Variants in TRIO observed in about 807,000 individuals in gnomAD.
The protein encoded by TRIO is trio Rho guanine nucleotide exchange factor.
In TRIO, 58 loss-of-function variants were observed where a neutral mutation model predicts 351.9. The observed-to-expected ratio is 0.16, with a 90% CI of 0.13 to 0.21. The LOEUF (loss-of-function observed/expected upper bound fraction) is 0.21. Among genes scored for constraint, TRIO ranks in the 10% least tolerant of loss-of-function variants. The pLI is 1.00. For missense variants in TRIO, 3,201 were observed against 4,027.8 expected (o/e 0.79, Z 5.56); for synonymous variants, 1,758 against 1,595.7 (o/e 1.10, Z -2.42).
At chr5:14,486,935 T>C (rs1755958740) in intron 47 of TRIO, among the ~76,000 whole-genome samples, 3 of 152,218 alleles carry the variant, frequency 2.0e-5, no homozygotes, top group Admixed American at 6.5e-5. Context: ...ATACATGTTA[T>C]TTTGGCCTGA....
chr5:14,406,447 G>C, intron 32 of TRIO, 126 bp from the exon 33 acceptor site: 1 of 859,218 alleles, frequency 1.2e-6, no homozygotes, highest in East Asian at 2.5e-5. Context: ...CTTAACCATT[G>C]TCCGCATCCT....
chr5:14,396,969 A>T (rs1398983043), intron 28 of TRIO, 74 bp from the exon 29 acceptor site: 2 of 1,320,192 alleles, frequency 1.5e-6, no homozygotes, highest in Non-Finnish European at 2.1e-6. Context: ...GGCTTTCATA[A>T]ACTGTTTCTG....
At chr5:14,488,716 C>G (rs987096082) in intron 48 of TRIO, 1 of 570,270 alleles carries the variant, frequency 1.8e-6, no homozygotes. Flanking sequence ...TTTGACTCAT[C>G]TGCTGGGGAA....
At chr5:14,212,413 T>A (rs2152195893) in intron 1 of TRIO, among the ~76,000 whole-genome samples, 1 of 152,296 alleles carries the variant, frequency 6.6e-6, no homozygotes, top group Non-Finnish European at 1.5e-5. Context: ...AGCCAACTTC[T>A]GTGAACCTTG....
intron 55 of TRIO, among the ~76,000 whole-genome samples, chr5:14,506,886 C>T (rs980886480): frequency 2.6e-5 from 4 of 152,114 alleles, no homozygotes; most frequent in African/African-American, 9.7e-5. Context: ...TTGACTGTGC[C>T]GCTCTACCAC....
intron 33 of TRIO, among the ~76,000 whole-genome samples, chr5:14,418,269 G>C (rs1749811356): frequency 6.6e-6 from 1 of 152,150 alleles, no homozygotes; most frequent in African/African-American, 2.4e-5. Flanking sequence ...TGCCTCCTAT[G>C]CTAAGGCCTT....
intron 1 of TRIO, among the ~76,000 whole-genome samples, chr5:14,195,239 C>A (rs964169084): frequency 1.3e-5 from 2 of 152,186 alleles, no homozygotes; most frequent in Non-Finnish European, 2.9e-5. Context: ...TTCAGTCTGT[C>A]AATCAGGACC....
At chr5:14,472,089 G>C (rs1419546532) in intron 38 of TRIO, among the ~76,000 whole-genome samples, 1 of 152,206 alleles carries the variant, frequency 6.6e-6, no homozygotes, top group African/African-American at 2.4e-5. Flanking sequence ...GAGGTTGTTT[G>C]CTATACTGAT....
intron 7 of TRIO, among the ~76,000 whole-genome samples, chr5:14,304,111 C>T (rs372182462): frequency 3.9e-5 from 6 of 152,260 alleles, no homozygotes; most frequent in African/African-American, 1.2e-4. Flanking sequence ...GCTAGGAGTG[C>T]AGGGCAGTTA....
intron 1 of TRIO, among the ~76,000 whole-genome samples, chr5:14,237,634 G>A (rs1396431911): frequency 6.6e-6 from 1 of 152,196 alleles, no homozygotes; most frequent in African/African-American, 2.4e-5. Context: ...GACACAGATG[G>A]AAGTGAATGT....
chr5:14,501,275 C>T (rs1757284078), intron 53 of TRIO, among the ~76,000 whole-genome samples: 1 of 152,162 alleles, frequency 6.6e-6, no homozygotes, highest in South Asian at 2.1e-4. Context: ...ATTTATAAAG[C>T]ACTTTAAAGG....
intron 1 of TRIO, among the ~76,000 whole-genome samples, chr5:14,198,431 A>T (rs1398129879): frequency 6.6e-6 from 1 of 152,204 alleles, no homozygotes; most frequent in Non-Finnish European, 1.5e-5. Context: ...AAGAGCAGAG[A>T]TTTCAGATCA....
intron 11 of TRIO, among the ~76,000 whole-genome samples, chr5:14,342,146 C>T (rs1311288482): frequency 2.0e-5 from 3 of 151,518 alleles, no homozygotes; most frequent in African/African-American, 7.3e-5. Context: ...GCTTCTTGCA[C>T]TGGGGCCGGG....
chr5:14,280,149 G>A (rs1301596936), intron 2 of TRIO, among the ~76,000 whole-genome samples, 173 bp from the exon 3 acceptor site: 1 of 152,200 alleles, frequency 6.6e-6, no homozygotes, highest in African/African-American at 2.4e-5. Flanking sequence ...TTTTCTCCCA[G>A]ATCCCCTGAA....
At chr5:14,443,440 T>C (rs1028788412) in intron 34 of TRIO, among the ~76,000 whole-genome samples, 1 of 152,246 alleles carries the variant, frequency 6.6e-6, no homozygotes, top group Non-Finnish European at 1.5e-5. Context: ...TGATTTTACC[T>C]ATTAAATTGA....
At chr5:14,385,062 A>G (rs1746419542) in intron 21 of TRIO, among the ~76,000 whole-genome samples, 1 of 152,224 alleles carries the variant, frequency 6.6e-6, no homozygotes, top group Non-Finnish European at 1.5e-5. Flanking sequence ...CATTTCACCC[A>G]GTGGATTAGC....
At chr5:14,374,530 A>G (rs983718185) in intron 19 of TRIO, among the ~76,000 whole-genome samples, 187 bp downstream of exon 19, 2 of 152,244 alleles carry the variant, frequency 1.3e-5, no homozygotes, top group African/African-American at 4.8e-5. Flanking sequence ...ATAGGTTGAT[A>G]TTATATTGAA....
chr5:14,276,903 A>G (rs1581508291), intron 2 of TRIO, among the ~76,000 whole-genome samples: 1 of 152,234 alleles, frequency 6.6e-6, no homozygotes, highest in African/African-American at 2.4e-5. Context: ...GTTTAAGGAA[A>G]TAAGTGTCAC....
At chr5:14,486,270 C>T (rs1376336763) in intron 47 of TRIO, among the ~76,000 whole-genome samples, 1 of 152,162 alleles carries the variant, frequency 6.6e-6, no homozygotes, top group Non-Finnish European at 1.5e-5. Context: ...TGCTCAAGCT[C>T]AATAGGATGT....
Sources: gnomAD v4.1 joint callset for allele counts (sites outside exome capture counted in the v4.1 genomes callset) on GRCh38, gnomAD v4.1.1 for gene constraint, MANE v1.5 for transcripts, NCBI Gene and HGNC (gene_info 2026-07-23, HGNC 2026-07-21) for gene names.